HS3ST5: variants seen among roughly 807,000 people sequenced by gnomAD.
HS3ST5 encodes heparan sulfate-glucosamine 3-sulfotransferase 5, also known as heparan sulfate glucosamine 3-O-sulfotransferase 5.
In HS3ST5, 10 loss-of-function variants were observed where a neutral mutation model predicts 25.4. That is an observed-to-expected ratio of 0.39 (90% CI 0.24 to 0.67). The LOEUF (loss-of-function observed/expected upper bound fraction) is 0.67. HS3ST5 is among the 30% of genes least tolerant of loss of function. HS3ST5 has a pLI of 0.44. For synonymous variants in HS3ST5, 170 were observed against 162.4 expected, an observed-to-expected ratio of 1.05 and a Z score of -0.36; for missense variants, 324 against 420.7, an observed-to-expected ratio of 0.77 and a Z score of 2.01.
chr6:114,182,268 G>A (rs1406257183), intron 2 of HS3ST5, among the ~76,000 whole-genome samples: 2 of 151,960 alleles, frequency 1.3e-5, no homozygotes, highest in Admixed American at 1.3e-4. Context: ...AGACAATAAC[G>A]GAATACTCAA....
chr6:114,302,251 C>T (rs879286282), intron 1 of HS3ST5, among the ~76,000 whole-genome samples: 3 of 152,142 alleles, frequency 2.0e-5, no homozygotes, highest in Admixed American at 1.3e-4. Context: ...TTTCAATCAA[C>T]ATAACCCTCA....
At chr6:114,127,390 A>C (rs1237944260) in intron 3 of HS3ST5, among the ~76,000 whole-genome samples, 1 of 152,232 alleles carries the variant, frequency 6.6e-6, no homozygotes, top group Admixed American at 6.5e-5. Context: ...AGTTATTACC[A>C]TGATCCATTC....
At chr6:114,192,804 T>A (rs1223736980) in intron 2 of HS3ST5, among the ~76,000 whole-genome samples, 1 of 152,162 alleles carries the variant, frequency 6.6e-6, no homozygotes. Context: ...AGAAATAAGA[T>A]ACTGTAACGT....
rs114986099 is a variant in HS3ST5 at position 114,337,404 on chromosome 6, C to T, written c.-339+4791G>A. ...TCAGATTCCTTTGGCAAGTACTATA[C>T]ACCGTAGTAACACAACATTGACCTC... On this transcript the variant is annotated intron_variant, in intron 1 of 4. Transcript: ENST00000312719. Among the ~76,000 whole-genome samples, 1,498 of 152,260 alleles carry T rather than the reference C, an allele frequency of 9.8e-3. 24 individuals are homozygous for T. Among genetic ancestry groups the T allele is most frequent in the African/African-American group, 0.034 (1,417 of 41,538 alleles).
intron 3 of HS3ST5, among the ~76,000 whole-genome samples, chr6:114,140,049 A>T (rs536814538): frequency 6.6e-6 from 1 of 152,310 alleles, no homozygotes; most frequent in Non-Finnish European, 1.5e-5. Context: ...ACTAGAGATG[A>T]CTATCAGTAA....
At chr6:114,185,602 G>A (rs1780181927) in intron 2 of HS3ST5, among the ~76,000 whole-genome samples, 1 of 152,092 alleles carries the variant, frequency 6.6e-6, no homozygotes, top group African/African-American at 2.4e-5. Flanking sequence ...CCTCCATCAA[G>A]CAAGTTTACT....
intron 2 of HS3ST5, among the ~76,000 whole-genome samples, chr6:114,189,298 A>G (rs773091408): frequency 3.3e-5 from 5 of 152,098 alleles, no homozygotes; most frequent in Non-Finnish European, 5.9e-5. Context: ...TTTTTGCTCT[A>G]GAATTCGTTA....
intron 3 of HS3ST5, among the ~76,000 whole-genome samples, chr6:114,163,583 T>G (rs899590867): frequency 6.6e-6 from 1 of 152,158 alleles, no homozygotes; most frequent in Non-Finnish European, 1.5e-5. Context: ...AGTTACTCAA[T>G]GTCTTTGAAC....
intron 1 of HS3ST5, among the ~76,000 whole-genome samples, chr6:114,327,659 CA>C (rs1776226529): frequency 6.8e-6 from 1 of 146,064 alleles, no homozygotes; most frequent in Non-Finnish European, 1.5e-5. Context: ...CATGCAACAT[CA>C]TTTTTTTTTT....
intron 3 of HS3ST5, among the ~76,000 whole-genome samples, chr6:114,088,726 A>G (rs539660239): frequency 6.6e-6 from 1 of 152,332 alleles, no homozygotes; most frequent in African/African-American, 2.4e-5. Context: ...CTATATACAG[A>G]TATGTGTGTA....
chr6:114,236,585 T>C (rs1308564365), intron 1 of HS3ST5, among the ~76,000 whole-genome samples: 1 of 152,234 alleles, frequency 6.6e-6, no homozygotes, highest in Non-Finnish European at 1.5e-5. Flanking sequence ...GATAATAGAA[T>C]GTTTGGCTTA....
intron 3 of HS3ST5, among the ~76,000 whole-genome samples, chr6:114,111,887 A>G (rs547491715): frequency 2.9e-4 from 44 of 152,188 alleles, no homozygotes; most frequent in Admixed American, 5.9e-4. Flanking sequence ...CGTCCTATTC[A>G]TCCAGTTCAC....
In HS3ST5 at chr6:114,057,617, T is replaced by A. The variant is rs1405277244; in HGVS notation, c.681A>T (p.Lys227Asn). The change falls in exon 5 of 5, where the codon AAA (lysine) becomes AAT (asparagine). Residue 227 changes from lysine to asparagine, a missense_variant. Physicochemically the swap from Lys to Asn is moderately conservative, Grantham distance 94. Coordinates refer to ENST00000312719, the MANE Select transcript of HS3ST5 (RefSeq NM_153612.4). ...TGGTGTAGATGCTGGTTCTTACTGC[T>A]TTGTATTTTGTGTTCACTTCGCATG... ...PNTCEVNTKY[K>N]AVRTSIYTKH... 1 of 1,612,952 alleles carries A rather than the reference T, an allele frequency of 6.2e-7. No individual in the cohort carries two copies. Among genetic ancestry groups the A allele is most frequent in the African/African-American group, 1.3e-5 (1 of 74,568 alleles).
At chr6:114,122,101 T>C (rs1776818705) in intron 3 of HS3ST5, among the ~76,000 whole-genome samples, 1 of 152,130 alleles carries the variant, frequency 6.6e-6, no homozygotes, top group Non-Finnish European at 1.5e-5. Flanking sequence ...TCTTGCATAA[T>C]ACTTGAAGGG....
chr6:114,116,082 C>G (rs1180690348), intron 3 of HS3ST5: 2 of 151,892 alleles, frequency 1.3e-5, no homozygotes, highest in African/African-American at 4.8e-5. Flanking sequence ...AGTATTCCAC[C>G]AGAGAAATTT....
At chr6:114,245,994 G>A (rs1261416571) in intron 1 of HS3ST5, among the ~76,000 whole-genome samples, 3 of 152,210 alleles carry the variant, frequency 2.0e-5, no homozygotes, top group African/African-American at 7.2e-5. Context: ...CACTGAAACT[G>A]AAGCTTAAAT....
chr6:114,309,618 T>G (rs1310115078), intron 1 of HS3ST5, among the ~76,000 whole-genome samples: 3 of 152,204 alleles, frequency 2.0e-5, no homozygotes, highest in South Asian at 2.1e-4. Context: ...CTGTAATCAC[T>G]GCTACTCAGT....
intron 3 of HS3ST5, among the ~76,000 whole-genome samples, chr6:114,131,465 A>C (rs532584722): frequency 6.6e-6 from 1 of 152,364 alleles, no homozygotes; most frequent in African/African-American, 2.4e-5. Flanking sequence ...GTGTAAAAAT[A>C]CATAGAATAT....
intron 3 of HS3ST5, among the ~76,000 whole-genome samples, chr6:114,149,437 T>C (rs1306088644): frequency 6.6e-6 from 1 of 152,176 alleles, no homozygotes; most frequent in Admixed American, 6.5e-5. Flanking sequence ...TGCAGGGACA[T>C]GGATGAAGCT....
Sources: gnomAD v4.1 joint callset for allele counts (sites outside exome capture counted in the v4.1 genomes callset) on GRCh38, gnomAD v4.1.1 for gene constraint, MANE v1.5 for transcripts, NCBI Gene and HGNC (gene_info 2026-07-23, HGNC 2026-07-21) for gene names.